DHRSX: variants seen among roughly 807,000 people sequenced by gnomAD.
DHRSX encodes dehydrogenase/reductase X-linked, also known as polyprenol dehydrogenase.
Under a neutral mutation model 34.0 loss-of-function variants are expected in DHRSX, and 31 were observed. The ratio of observed to expected loss-of-function variants is 0.91; its 90% CI spans 0.69 to 1.23. The LOEUF (loss-of-function observed/expected upper bound fraction) is 1.23, where lower values mean the gene tolerates loss of function less well. DHRSX is among the 50% of genes most tolerant of loss of function. The pLI is 0.00. For synonymous variants in DHRSX, 201 were observed against 183.8 expected (o/e 1.09, Z -0.76); for missense variants, 414 against 428.1 (o/e 0.97, Z 0.29).
At chrX:2,500,246 C>A (rs1353287116) in intron 1 of DHRSX, 1 of 155,782 alleles carries the variant, frequency 6.4e-6, no homozygotes, top group Non-Finnish European at 1.4e-5. Flanking sequence ...CTCCCCAGTG[C>A]CCGAGAAGCC....
In DHRSX at chrX:2,250,138, G is replaced by A. The variant is rs1279254456; in HGVS notation, c.597-6908C>T. Among the ~76,000 whole-genome samples the A allele has an allele frequency of 2.1e-5, 3 of 145,792 alleles. No individual in the cohort carries two copies. In the Admixed American group the frequency reaches 2.1e-4, roughly 10 times the overall value. On this transcript the variant is annotated intron_variant, in intron 5 of 6. Transcript: ENST00000334651. ...GATCACGCCACTGCACTCCAGCCTG[G>A]GCAACAGAGTGAGACTCCATCTCAA...
intron 5 of DHRSX, among the ~76,000 whole-genome samples, chrX:2,251,159 G>C (rs1305399380): frequency 6.6e-6 from 1 of 152,100 alleles, no homozygotes. Flanking sequence ...CTGACATCGG[G>C]CCTGTAAAAA....
intron 5 of DHRSX, among the ~76,000 whole-genome samples, chrX:2,250,128 C>G (rs944520724): frequency 2.3e-4 from 34 of 147,674 alleles, no homozygotes; most frequent in African/African-American, 7.8e-4. Flanking sequence ...CGCCACTGCA[C>G]TCCAGCCTGG....
At chrX:2,485,662 G>GAA (rs2044879452) in intron 1 of DHRSX, among the ~76,000 whole-genome samples, 1 of 73,304 alleles carries the variant, frequency 1.4e-5, no homozygotes, top group African/African-American at 7.6e-5. Flanking sequence ...GGAGGGATGG[G>GAA]GGAAGGAGGG....
chrX:2,254,060 A>T (rs1459030519), intron 5 of DHRSX, among the ~76,000 whole-genome samples: 4 of 86,964 alleles, frequency 4.6e-5, no homozygotes, highest in Non-Finnish European at 9.2e-5. Context: ...ACTCTGTCTC[A>T]AAAAAAAACA....
intron 3 of DHRSX, among the ~76,000 whole-genome samples, chrX:2,360,509 G>A (rs2042919057): frequency 6.6e-6 from 1 of 152,082 alleles, no homozygotes; most frequent in South Asian, 2.1e-4. Context: ...CTTGAACCCG[G>A]GAGGCGGAGA....
chrX:2,224,448 G>C (rs34046710), intron 6 of DHRSX, among the ~76,000 whole-genome samples: 1 of 147,846 alleles, frequency 6.8e-6, no homozygotes, highest in African/African-American at 2.6e-5. Context: ...AAGTACTACC[G>C]TTTTAGGGGG....
intron 3 of DHRSX, among the ~76,000 whole-genome samples, chrX:2,369,275 C>G (rs1255396657): frequency 2.0e-5 from 3 of 152,164 alleles, no homozygotes. Flanking sequence ...AACATCAGAA[C>G]TGGAGACAGC....
chrX:2,492,938 G>GC (rs1296797424), intron 1 of DHRSX, among the ~76,000 whole-genome samples: 1 of 152,232 alleles, frequency 6.6e-6, no homozygotes, highest in African/African-American at 2.4e-5. Flanking sequence ...TCTTAGAAAG[G>GC]CCCCCCGTCT....
intron 1 of DHRSX, among the ~76,000 whole-genome samples, chrX:2,485,043 C>T (rs184562280): frequency 1.3e-4 from 20 of 152,332 alleles, no homozygotes; most frequent in Non-Finnish European, 2.8e-4. Flanking sequence ...GCAGGCAATT[C>T]TGCAAAGTGG....
intron 3 of DHRSX, among the ~76,000 whole-genome samples, chrX:2,324,346 C>A (rs1268129937): frequency 6.6e-6 from 1 of 152,150 alleles, no homozygotes. Context: ...GCGGCTCTCA[C>A]TCCTCTCTCT....
intron 5 of DHRSX, among the ~76,000 whole-genome samples, chrX:2,245,916 T>A (rs2016268380): frequency 6.8e-6 from 1 of 146,300 alleles, no homozygotes; most frequent in African/African-American, 2.5e-5. Context: ...GAGCTGAGAT[T>A]GTACCACTGC....
intron 1 of DHRSX, chrX:2,489,612 C>T (rs2045067062): frequency 9.9e-6 from 16 of 1,612,534 alleles, no homozygotes; most frequent in Non-Finnish European, 1.3e-5. Flanking sequence ...CCGGCGATGA[C>T]GAACTGCTGC....
rs181411911 is a variant in DHRSX at position 2,430,947 on chromosome X, A to C, written c.110-5643T>G. Among the ~76,000 whole-genome samples, 133 of 152,028 alleles carry C rather than the reference A, an allele frequency of 8.7e-4. 1 individual carries two copies. Among genetic ancestry groups the C allele is most frequent in the African/African-American group, 3.1e-3 (128 of 41,500 alleles). On this transcript the variant is annotated intron_variant, in intron 1 of 6. Coordinates refer to ENST00000334651, the MANE Select transcript of DHRSX (RefSeq NM_145177.3). Reference sequence around the variant, plus strand: ...GGCTGAGTTCAGAGGATCACGCAAGACTGGGAGGTTGAGGCTGTAGTGAGC... The same window carrying C: ...GGCTGAGTTCAGAGGATCACGCAAGCCTGGGAGGTTGAGGCTGTAGTGAGC...
At chrX:2,472,826 AT>A (rs898611829) in intron 1 of DHRSX, among the ~76,000 whole-genome samples, 8 of 152,144 alleles carry the variant, frequency 5.3e-5, no homozygotes, top group Admixed American at 2.0e-4. Context: ...ATTTTACTGA[AT>A]TTTTTTTAAG....
Position 2,288,335 on chromosome X carries a change from A to G in DHRSX, c.388+3167T>C, listed in dbSNP as rs767665650. ...ACTGCAACCTCTGCCTCCCGGGTTCAAGCAATTCTCCTGCCTCAGCCTCCC... is the reference window on the plus strand; with the variant it reads ...ACTGCAACCTCTGCCTCCCGGGTTCGAGCAATTCTCCTGCCTCAGCCTCCC... On this transcript the variant is annotated intron_variant, in intron 4 of 6. Coordinates refer to ENST00000334651, the MANE Select transcript of DHRSX (RefSeq NM_145177.3). Among the ~76,000 whole-genome samples the G allele has an allele frequency of 4.6e-5, 7 of 152,292 alleles. No homozygotes were observed. The South Asian group carries it at 1.2e-3, about 27-fold the overall frequency.
Position 2,287,372 on chromosome X carries a change from T to C in DHRSX, c.388+4130A>G, listed in dbSNP as rs146599406. 5.4e-3 allele frequency among the ~76,000 whole-genome samples: 816 copies of C among 151,422 alleles called. 16 individuals carry two copies. Among genetic ancestry groups the C allele is most frequent in the African/African-American group, 0.019 (775 of 41,210 alleles). On this transcript the variant is annotated intron_variant, in intron 4 of 6. Transcript: ENST00000334651. ...AAAAATGTCCACATCCTAATCCTCATGTGGAAGACAGAATAATGACCCAAA... is the reference window on the plus strand; with the variant it reads ...AAAAATGTCCACATCCTAATCCTCACGTGGAAGACAGAATAATGACCCAAA...
chrX:2,472,861 T>C (rs1018533865), intron 1 of DHRSX, among the ~76,000 whole-genome samples: 2 of 152,276 alleles, frequency 1.3e-5, no homozygotes, highest in African/African-American at 4.8e-5. Flanking sequence ...TAGGGTAGTG[T>C]CTTAGGAAAT....
chrX:2,233,569 CTT>C (rs1160120657), intron 6 of DHRSX, among the ~76,000 whole-genome samples: 2 of 152,130 alleles, frequency 1.3e-5, no homozygotes, highest in African/African-American at 2.4e-5. Flanking sequence ...TCAAGCCACT[CTT>C]GAGTCCTGGA....
Sources: gnomAD v4.1 joint callset for allele counts (sites outside exome capture counted in the v4.1 genomes callset) on GRCh38, gnomAD v4.1.1 for gene constraint, MANE v1.5 for transcripts, NCBI Gene and HGNC (gene_info 2026-07-23, HGNC 2026-07-21) for gene names.